BCAR3: variants seen among roughly 807,000 people sequenced by gnomAD.
BCAR3 encodes BCAR3 adaptor protein, NSP family member.
A neutral mutation model predicts 80.1 loss-of-function variants in BCAR3; 37 were observed. The observed-to-expected ratio is 0.46, with a 90% CI of 0.36 to 0.61. The LOEUF (loss-of-function observed/expected upper bound fraction) is 0.61, where lower values mean the gene tolerates loss of function less well. Ranked by LOEUF, BCAR3 falls within the 20% of genes least tolerant of loss-of-function variation. BCAR3 has a pLI of 0.00. For missense variants in BCAR3, 978 were observed against 1,068.2 expected (o/e 0.92, Z 1.18); for synonymous variants, 389 against 418.9 (o/e 0.93, Z 0.87).
intron 9 of BCAR3, among the ~76,000 whole-genome samples, chr1:93,571,135 C>T (rs1673193867): frequency 6.6e-6 from 1 of 150,982 alleles, no homozygotes; most frequent in South Asian, 2.1e-4. Flanking sequence ...ACCCAGGAGA[C>T]AGAGGTTGCA....
At chr1:93,689,486 G>A (rs1364244138) in intron 3 of BCAR3, among the ~76,000 whole-genome samples, 4 of 149,736 alleles carry the variant, frequency 2.7e-5, no homozygotes, top group East Asian at 2.0e-4. Flanking sequence ...AGCCGAGATC[G>A]CACCATTGCA....
rs571211139 is a variant in BCAR3 at position 93,831,843 on chromosome 1, A to T, written c.-63+13724T>A. 9.2e-5 allele frequency among the ~76,000 whole-genome samples: 14 copies of T among 152,202 alleles called. No homozygotes were observed. In the South Asian group the frequency reaches 2.9e-3, roughly 32 times the overall value. On this transcript the variant is annotated intron_variant, in intron 2 of 13. Coordinates refer to the BCAR3 transcript ENST00000370244. ...GCAACTAGCCCTCCCCGACCTGCCC[A>T]ACAATTTCCTCTTAAAGAGGTGGCT...
chr1:93,718,942 T>A (rs916413467), intron 2 of BCAR3, among the ~76,000 whole-genome samples: 1 of 151,604 alleles, frequency 6.6e-6, no homozygotes, highest in Non-Finnish European at 1.5e-5. Flanking sequence ...ACTCAAGCAA[T>A]CCGCCCGCCT....
intron 3 of BCAR3, among the ~76,000 whole-genome samples, chr1:93,703,007 A>C (rs898404615): frequency 2.6e-5 from 4 of 152,202 alleles, no homozygotes; most frequent in African/African-American, 9.6e-5. Context: ...TCTGTGGTCC[A>C]AGGCTGGCCA....
At chr1:93,611,579 C>T (rs1024161291) in intron 3 of BCAR3, among the ~76,000 whole-genome samples, 2 of 152,156 alleles carry the variant, frequency 1.3e-5, no homozygotes, top group African/African-American at 4.8e-5. Flanking sequence ...GTATTTGGCC[C>T]CAACTCTATG....
intron 2 of BCAR3, chr1:93,845,560 C>T (rs971170246): frequency 1.4e-5 from 2 of 145,790 alleles, no homozygotes; most frequent in Admixed American, 1.4e-4. Context: ...AGGGCTCTGC[C>T]ACTTACTGTT....
At chr1:93,634,264 C>A (rs1022836607) in intron 3 of BCAR3, among the ~76,000 whole-genome samples, 2 of 152,054 alleles carry the variant, frequency 1.3e-5, no homozygotes, top group African/African-American at 4.8e-5. Flanking sequence ...TGGCTGTGTC[C>A]CCACCCAAAT....
chr1:93,708,407 T>G (rs929050597), intron 2 of BCAR3, among the ~76,000 whole-genome samples: 3 of 152,158 alleles, frequency 2.0e-5, no homozygotes, highest in African/African-American at 7.2e-5. Flanking sequence ...CTTTTTTGGT[T>G]TTGCCTGTTT....
chr1:93,774,573 A>C (rs1347594598), intron 2 of BCAR3, among the ~76,000 whole-genome samples: 1 of 151,804 alleles, frequency 6.6e-6, no homozygotes, highest in Non-Finnish European at 1.5e-5. Context: ...AGGAGGCCCC[A>C]CATAGCCTGT....
chr1:93,642,753 G>A (rs1292443246), intron 2 of BCAR3, among the ~76,000 whole-genome samples: 1 of 152,212 alleles, frequency 6.6e-6, no homozygotes, highest in Non-Finnish European at 1.5e-5. Context: ...TAACTGTGTT[G>A]TGCCCACATT....
At chr1:93,653,630 G>A (rs1647221441) in intron 2 of BCAR3, among the ~76,000 whole-genome samples, 1 of 152,176 alleles carries the variant, frequency 6.6e-6, no homozygotes, top group African/African-American at 2.4e-5. Flanking sequence ...ACTCCAGAGA[G>A]GTTACAGCAC....
At chr1:93,713,944 G>A (rs1177613073) in intron 2 of BCAR3, among the ~76,000 whole-genome samples, 1 of 152,092 alleles carries the variant, frequency 6.6e-6, no homozygotes, top group East Asian at 1.9e-4. Context: ...ATGCAGGTGG[G>A]GGAGAGGCAT....
chr1:93,846,825 G>T, intron 1 of BCAR3: 1 of 472,404 alleles, frequency 2.1e-6, no homozygotes, highest in East Asian at 7.5e-5. Context: ...AGGATGCTGC[G>T]GCGCGGGGCG....
chr1:93,607,444 C>T (rs1214671188), intron 3 of BCAR3, among the ~76,000 whole-genome samples: 1 of 151,974 alleles, frequency 6.6e-6, no homozygotes, highest in Non-Finnish European at 1.5e-5. Flanking sequence ...GTGAGCTGAA[C>T]TAGGACAAGC....
At chr1:93,633,695 C>T (rs1329244090) in intron 3 of BCAR3, among the ~76,000 whole-genome samples, 2 of 152,204 alleles carry the variant, frequency 1.3e-5, no homozygotes, top group African/African-American at 2.4e-5. Flanking sequence ...AGTGCAGTGG[C>T]GCAATCTTTG....
intron 2 of BCAR3, among the ~76,000 whole-genome samples, chr1:93,642,546 T>C (rs1441273724): frequency 6.6e-6 from 1 of 152,218 alleles, no homozygotes; most frequent in Admixed American, 6.5e-5. Context: ...CATGCTTTCC[T>C]GTCAAATTCA....
intron 2 of BCAR3, among the ~76,000 whole-genome samples, chr1:93,805,167 A>C (rs1421043913): frequency 6.6e-6 from 1 of 152,216 alleles, no homozygotes; most frequent in Non-Finnish European, 1.5e-5. Flanking sequence ...CTAGCTCAGG[A>C]ATTAAAATGT....
intron 2 of BCAR3, among the ~76,000 whole-genome samples, chr1:93,645,305 T>C (rs1031094353): frequency 6.6e-6 from 1 of 152,012 alleles, no homozygotes; most frequent in African/African-American, 2.4e-5. Flanking sequence ...AAAGAAATAC[T>C]CTAAAAATAA....
At chr1:93,714,983 T>C (rs1250122634) in intron 2 of BCAR3, among the ~76,000 whole-genome samples, 2 of 152,222 alleles carry the variant, frequency 1.3e-5, no homozygotes, top group African/African-American at 4.8e-5. Context: ...TACTCTCCTC[T>C]GGGTACCTTT....
Sources: allele counts gnomAD v4.1 joint callset (sites outside exome capture counted in the v4.1 genomes callset), GRCh38; gene constraint gnomAD v4.1.1; transcripts MANE v1.5; gene names NCBI Gene and HGNC (gene_info 2026-07-23, HGNC 2026-07-21).